The following CIRSR variants were observed in gnomAD, a reference collection of about 807,000 sequenced individuals.
CIRSR encodes corepressor of RBPJ and splicing regulator.
chr2:174,376,801 GAAAA>G, the CIRSR span, among the ~76,000 whole-genome samples: 4 of 106,942 alleles, frequency 3.7e-5, no homozygotes, highest in Admixed American at 2.2e-4. Flanking sequence ...CTGTCTCAGG[GAAAA>G]AAAAAAAAAA....
chr2:174,348,247 T>C, the CIRSR span: 6 of 428,570 alleles, frequency 1.4e-5, no homozygotes, highest in Admixed American at 2.0e-4. Context: ...AAGAAACAGT[T>C]ACCAACAGAA....
chr2:174,351,790 G>T, the CIRSR span: 1 of 1,223,044 alleles, frequency 8.2e-7, no homozygotes. Context: ...GGACTCCACA[G>T]TAGGAATGCA....
chr2:174,353,472 G>A, the CIRSR span, among the ~76,000 whole-genome samples: 29 of 151,502 alleles, frequency 1.9e-4, no homozygotes, highest in Non-Finnish European at 1.5e-5. Context: ...AGAGCTTTTT[G>A]TGTGTGTGTG....
chr2:174,383,849 C>CAAAAAAAAAAAAAAAAAAAAAAAAAAA, the CIRSR span, among the ~76,000 whole-genome samples: 1 of 121,470 alleles, frequency 8.2e-6, no homozygotes. Flanking sequence ...AGCTATCTTC[C>CAAAAAAAAAAAAAAAAAAAAAAAAAAA]AAAAAAAAAA....
the CIRSR span, among the ~76,000 whole-genome samples, chr2:174,384,931 TG>T: frequency 6.6e-6 from 1 of 152,140 alleles, no homozygotes; most frequent in East Asian, 1.9e-4. Context: ...GATTTTCAGC[TG>T]GGCATGGCGG....
At chr2:174,381,437 G>A in the CIRSR span, among the ~76,000 whole-genome samples, 6 of 152,000 alleles carry the variant, frequency 3.9e-5, no homozygotes. Flanking sequence ...GGTGGATCAC[G>A]AGGTCAGGAG....
chr2:174,389,457 G>A, the CIRSR span, among the ~76,000 whole-genome samples: 8 of 152,158 alleles, frequency 5.3e-5, no homozygotes, highest in African/African-American at 1.7e-4. Context: ...GAACTTGAGA[G>A]AGATGACTTA....
chr2:174,365,527 C>A, the CIRSR span, among the ~76,000 whole-genome samples: 2 of 152,146 alleles, frequency 1.3e-5, no homozygotes, highest in Non-Finnish European at 2.9e-5. Context: ...CCCAAACTTA[C>A]AATTTACAAA....
the CIRSR span, among the ~76,000 whole-genome samples, chr2:174,365,676 C>T: frequency 6.6e-6 from 1 of 152,314 alleles, no homozygotes; most frequent in Admixed American, 6.5e-5. Context: ...GGGAATTCCT[C>T]TTTTTAAAAC....
At chr2:174,388,876 T>C in the CIRSR span, among the ~76,000 whole-genome samples, 2 of 152,194 alleles carry the variant, frequency 1.3e-5, no homozygotes, top group African/African-American at 2.4e-5. Context: ...CATGCTGTTC[T>C]CATGACAGTG....
At chr2:174,395,346 G>A in the CIRSR span, among the ~76,000 whole-genome samples, 47 of 152,320 alleles carry the variant, frequency 3.1e-4, no homozygotes, top group South Asian at 8.3e-4. Context: ...TAGGCCACCG[G>A]TCTCCTCGCT....
the CIRSR span, among the ~76,000 whole-genome samples, chr2:174,388,338 A>C: frequency 5.9e-5 from 9 of 152,158 alleles, no homozygotes; most frequent in African/African-American, 2.2e-4. Flanking sequence ...AGCTGGGATT[A>C]CAGGACCCTG....
chr2:174,374,538 A>C, the CIRSR span, among the ~76,000 whole-genome samples: 15 of 152,256 alleles, frequency 9.9e-5, no homozygotes, highest in Admixed American at 6.5e-4. Context: ...TTATTTCAAA[A>C]AGTAAGCAAA....
the CIRSR span, among the ~76,000 whole-genome samples, chr2:174,384,863 T>C: frequency 1.3e-5 from 2 of 152,236 alleles, no homozygotes; most frequent in African/African-American, 4.8e-5. Flanking sequence ...AAAATTTACA[T>C]AGATTTTTTT....
At chr2:174,349,100 A>T in the CIRSR span, 2 of 1,523,928 alleles carry the variant, frequency 1.3e-6, no homozygotes, top group Non-Finnish European at 1.8e-6. Flanking sequence ...TTTTGTGTTT[A>T]CTTCTGCTCT....
the CIRSR span, among the ~76,000 whole-genome samples, chr2:174,377,154 G>A: frequency 1.3e-5 from 2 of 152,140 alleles, no homozygotes; most frequent in Non-Finnish European, 1.5e-5. Context: ...GCACTATAAA[G>A]TTCGAGTGAA....
At chr2:174,348,943 T>G in the CIRSR span, 2 of 1,613,156 alleles carry the variant, frequency 1.2e-6, no homozygotes, top group East Asian at 2.2e-5. Flanking sequence ...TCACTGTTGT[T>G]ATGCCCTGAA....
the CIRSR span, among the ~76,000 whole-genome samples, chr2:174,383,469 C>T: frequency 1.3e-5 from 2 of 151,976 alleles, no homozygotes; most frequent in South Asian, 2.1e-4. Context: ...TCTGTAATCC[C>T]AGCACTTTGG....
At chr2:174,378,158 A>T in the CIRSR span, among the ~76,000 whole-genome samples, 1 of 152,156 alleles carries the variant, frequency 6.6e-6, no homozygotes, top group Non-Finnish European at 1.5e-5. Context: ...AAGATTTCTT[A>T]AAAGAAAAAA....
Sources: gnomAD v4.1 joint callset for allele counts (sites outside exome capture counted in the v4.1 genomes callset) on GRCh38, gnomAD v4.1.1 for gene constraint, MANE v1.5 for transcripts, NCBI Gene and HGNC (gene_info 2026-07-23, HGNC 2026-07-21) for gene names.